The following GADL1 variants were observed in gnomAD, a reference collection of about 807,000 sequenced individuals.
The protein encoded by GADL1 is acidic amino acid decarboxylase GADL1.
In GADL1, 71 loss-of-function variants were observed where a neutral mutation model predicts 69.5. The observed-to-expected ratio is 1.02, with a 90% CI of 0.84 to 1.25. GADL1 has a LOEUF of 1.25. GADL1 is among the 50% of genes most tolerant of loss of function. The probability of loss-of-function intolerance (pLI) is 0.00; values close to 1 mark genes in which losing one functional copy is unlikely to be tolerated. For missense variants in GADL1, 737 were observed against 631.8 expected, an observed-to-expected ratio of 1.17 and a Z score of -1.79; for synonymous variants, 254 against 214.4, an observed-to-expected ratio of 1.18 and a Z score of -1.62.
chr3:30,806,572 C>T (rs1697259915), intron 11 of GADL1, among the ~76,000 whole-genome samples: 1 of 152,158 alleles, frequency 6.6e-6, no homozygotes, highest in Non-Finnish European at 1.5e-5. Context: ...AAGTCACCAT[C>T]CTTAAGGCAT....
chr3:30,752,258 G>A (rs1057390299), intron 14 of GADL1, among the ~76,000 whole-genome samples: 2 of 152,142 alleles, frequency 1.3e-5, no homozygotes, highest in Admixed American at 6.6e-5. Context: ...TCCACAAACC[G>A]AGCACTAGCA....
At chr3:30,890,228 G>T in intron 1 of GADL1, among the ~76,000 whole-genome samples, 1 of 152,112 alleles carries the variant, frequency 6.6e-6, no homozygotes. Context: ...ATCATGCATT[G>T]TCATGATTCT....
At chr3:30,828,913 G>A (rs1697738845) in intron 11 of GADL1, among the ~76,000 whole-genome samples, 1 of 151,818 alleles carries the variant, frequency 6.6e-6, no homozygotes, top group South Asian at 2.1e-4. Flanking sequence ...TTATGCTAAA[G>A]GAATACTAAA....
At chr3:30,848,246 G>C (rs911953515) in intron 6 of GADL1, among the ~76,000 whole-genome samples, 1 of 152,146 alleles carries the variant, frequency 6.6e-6, no homozygotes, top group Non-Finnish European at 1.5e-5. Context: ...TTATGAACAA[G>C]AGCCTCGAAT....
At chr3:30,815,349 G>A (rs1442062729) in intron 11 of GADL1, among the ~76,000 whole-genome samples, 7 of 152,138 alleles carry the variant, frequency 4.6e-5, no homozygotes, top group African/African-American at 1.7e-4. Context: ...TTAGGAGGAG[G>A]GCTATGTGAT....
At chr3:30,838,428 TA>T (rs748361449) in intron 9 of GADL1, among the ~76,000 whole-genome samples, 9 of 152,028 alleles carry the variant, frequency 5.9e-5, no homozygotes, top group Non-Finnish European at 1.2e-4. Context: ...TGCTAGAAAA[TA>T]ATGGAGTATA....
intron 8 of GADL1, among the ~76,000 whole-genome samples, chr3:30,842,041 C>A (rs1310376374): frequency 2.0e-5 from 3 of 152,002 alleles, no homozygotes. Context: ...GGACAAAAGA[C>A]CTGATCTTTT....
chr3:30,797,888 C>T (rs1206510696), intron 12 of GADL1: 1 of 152,056 alleles, frequency 6.6e-6, no homozygotes, highest in Non-Finnish European at 1.5e-5. Flanking sequence ...TAACCTTGAA[C>T]AGTATAAGCT....
intron 13 of GADL1, among the ~76,000 whole-genome samples, 165 bp from the exon 14 acceptor site, chr3:30,778,433 T>C (rs1438485572): frequency 1.3e-5 from 2 of 152,154 alleles, no homozygotes; most frequent in Non-Finnish European, 1.5e-5. Context: ...CTTGATAACA[T>C]CCTATTTAAA....
chr3:30,770,892 G>C (rs1013617336), intron 14 of GADL1, among the ~76,000 whole-genome samples: 57 of 152,164 alleles, frequency 3.7e-4, no homozygotes, highest in African/African-American at 1.3e-3. Flanking sequence ...TGGCTTTTCT[G>C]GAGAGTTCAA....
chr3:30,800,990 C>G lies in GADL1; in HGVS notation c.1149G>C (p.Gln383His), dbSNP rs1697151554. The change falls in exon 12 of 15, where the codon CAG becomes CAC. Residue 383 changes from glutamine (Q) to histidine (H), a missense_variant. Physicochemically the swap from Gln to His is conservative, Grantham distance 24 (BLOSUM62 0). Coordinates refer to ENST00000282538, the MANE Select transcript of GADL1 (RefSeq NM_207359.3). Reference sequence around the variant, plus strand: ...TGAATGCATCTGGTCTTCTGCTACACTGGATAGACTTGTCTCCTGTGTCAT... The same window carrying G: ...TGAATGCATCTGGTCTTCTGCTACAGTGGATAGACTTGTCTCCTGTGTCAT... ...VSYDTGDKSIQCSRRPDAFKF... is the reference protein window; with the variant it reads ...VSYDTGDKSIHCSRRPDAFKF... 1 of 1,614,010 alleles carries G rather than the reference C, an allele frequency of 6.2e-7. No individual in the cohort carries two copies. Among genetic ancestry groups the G allele is most frequent in the Non-Finnish European group, 8.5e-7 (1 of 1,179,922 alleles).
chr3:30,765,083 T>C (rs1696238349), intron 14 of GADL1, among the ~76,000 whole-genome samples: 1 of 151,730 alleles, frequency 6.6e-6, no homozygotes, highest in South Asian at 2.1e-4. Context: ...CAAAACTAAA[T>C]AGCAACTTAC....
rs538129079 is a variant in GADL1 at position 30,781,183 on chromosome 3, A to G, written c.1303-2915T>C. On this transcript the variant is annotated intron_variant, in intron 13 of 14. Coordinates refer to ENST00000282538, the MANE Select transcript of GADL1 (RefSeq NM_207359.3). ...GCAAGTGCATTGTCATAATCTTTAA[A>G]AAATTCATGATAAAGGAGTAATGTG... 1.4e-3 allele frequency among the ~76,000 whole-genome samples: 209 copies of G among 152,258 alleles called. 1 individual carries two copies. Among genetic ancestry groups the G allele is most frequent in the African/African-American group, 4.9e-3 (202 of 41,542 alleles).
intron 12 of GADL1, among the ~76,000 whole-genome samples, chr3:30,793,667 TTTTC>T (rs1696969040): frequency 6.6e-6 from 1 of 152,190 alleles, no homozygotes; most frequent in Non-Finnish European, 1.5e-5. Context: ...GCAAAACAAT[TTTTC>T]TTCCTTACAA....
chr3:30,797,117 T>C (rs1697048843), intron 12 of GADL1, among the ~76,000 whole-genome samples: 1 of 152,180 alleles, frequency 6.6e-6, no homozygotes, highest in South Asian at 2.1e-4. Context: ...CTTACATAAT[T>C]GGTTTGCCTT....
intron 14 of GADL1, among the ~76,000 whole-genome samples, chr3:30,730,164 A>G (rs1695434190): frequency 6.6e-6 from 1 of 152,210 alleles, no homozygotes; most frequent in South Asian, 2.1e-4. Context: ...GAAGCTAGGA[A>G]GTAACTCTCT....
chr3:30,767,189 A>C (rs1379787087), intron 14 of GADL1, among the ~76,000 whole-genome samples: 1 of 152,212 alleles, frequency 6.6e-6, no homozygotes, highest in African/African-American at 2.4e-5. Context: ...ATGGTCATGC[A>C]GCCAGTGAGT....
In GADL1 at chr3:30,772,110, C is replaced by A. The variant is rs527743237; in HGVS notation, c.1392+6069G>T. Among the ~76,000 whole-genome samples, 38 of 152,224 alleles carry A rather than the reference C, an allele frequency of 2.5e-4. 1 individual carries two copies. The highest frequency in any genetic ancestry group is 8.9e-4 in the African/African-American group (37 of 41,558). The stretch of plus-strand genomic sequence containing the variant: ...AACCTGCCAGGGAGAATACTAAACT[C>A]TTTCTAAAGATATCTGGAATATCAT... On this transcript the variant is annotated intron_variant, in intron 14 of 14. Transcript: ENST00000282538.
intron 14 of GADL1, among the ~76,000 whole-genome samples, chr3:30,747,597 A>G (rs764650092): frequency 2.6e-4 from 40 of 152,162 alleles, no homozygotes; most frequent in Admixed American, 1.3e-3. Context: ...TCTGAATCAA[A>G]TGGATTTTTA....
Sources: gnomAD v4.1 joint callset for allele counts (sites outside exome capture counted in the v4.1 genomes callset) on GRCh38, gnomAD v4.1.1 for gene constraint, MANE v1.5 for transcripts, NCBI Gene and HGNC (gene_info 2026-07-23, HGNC 2026-07-21) for gene names.